Variants in ETNK2 observed in about 807,000 individuals in gnomAD.
ETNK2 encodes the protein ethanolamine kinase 2.
In ETNK2, 33 loss-of-function variants were observed where a neutral mutation model predicts 46.2. The observed-to-expected ratio is 0.71, with a 90% confidence interval of 0.54 to 0.96. ETNK2 has a LOEUF of 0.96. ETNK2 is among the 40% of genes least tolerant of loss of function. The pLI, the probability that ETNK2 is intolerant of heterozygous loss-of-function variation, is 0.00. For missense variants in ETNK2, 445 were observed against 509.7 expected (o/e 0.87, Z 1.22); for synonymous variants, 194 against 209.0 (o/e 0.93, Z 0.62).
Position 204,151,449 on chromosome 1 carries a change from G to A in ETNK2, c.258+146C>T, listed in dbSNP as rs1658001589. 3.3e-6 allele frequency: 4 copies of A among 1,202,912 alleles called. No individual in the cohort carries two copies. The highest frequency in any genetic ancestry group is 3.5e-6 in the Non-Finnish European group (3 of 862,112). The allele number at this position is 1,202,912 out of a possible 1,614,324, so 74.5% of individuals were successfully genotyped here. On this transcript the variant is annotated intron_variant, in intron 1 of 7. Transcript: ENST00000367202. This position sits in a 1 kb window ranked among gnomAD's most constrained non-coding sequence, Gnocchi z 8.0. The stretch of plus-strand genomic sequence containing the variant: ...GTTTTGGTAGCGACGAAATCAATCC[G>A]TACACAAACCACGTTCCAAACCTTT...
chr1:204,151,138 C>T lies in ETNK2; in HGVS notation c.258+457G>A. 4.4e-6 allele frequency: 1 copy of T among 225,696 alleles called. No individual in the cohort carries two copies. The highest frequency in any genetic ancestry group is 8.7e-6 in the Non-Finnish European group (1 of 115,454). 14.0% of individuals were successfully genotyped at this position (225,696 alleles called of 1,614,324 possible). A position where few individuals can be genotyped will look rare whatever the true frequency, so the allele number is the denominator to read the frequency against. On this transcript the variant is annotated intron_variant, in intron 1 of 7. Coordinates refer to ENST00000367202, the MANE Select transcript of ETNK2 (RefSeq NM_018208.4). This position sits in a 1 kb window ranked among gnomAD's most constrained non-coding sequence, Gnocchi z 8.0. ...TGGCTCCTGGGACCCACAGGGGCAG[C>T]TCAGAGCCTGGAGGATTTGCTCCCA...
chr1:204,136,779 G>C (rs949103274), intron 6 of ETNK2, among the ~76,000 whole-genome samples: 1 of 151,942 alleles, frequency 6.6e-6, no homozygotes, highest in Non-Finnish European at 1.5e-5. Context: ...ATGAAGGGCT[G>C]AGGTTAGGCA....
At chr1:204,147,998 T>C (rs1657858760) in intron 2 of ETNK2, among the ~76,000 whole-genome samples, 1 of 152,144 alleles carries the variant, frequency 6.6e-6, no homozygotes, top group Non-Finnish European at 1.5e-5. Flanking sequence ...AACAGAGCGT[T>C]TTCTTGAATA....
Position 204,134,607 on chromosome 1 carries a change from G to T in ETNK2, c.1015-19C>A, listed in dbSNP as rs1476863050. The T allele has an allele frequency of 1.2e-6, 2 of 1,614,038 alleles. No individual in the cohort carries two copies. The highest frequency in any genetic ancestry group is 1.7e-5 in the Admixed American group (1 of 60,028). Reference sequence around the variant, plus strand: ...GAGACGCCTGGAAACAGACCAGAGAGGGTCAGCCTGGCAATCTCCCCATGC... The same window carrying T: ...GAGACGCCTGGAAACAGACCAGAGATGGTCAGCCTGGCAATCTCCCCATGC... On this transcript the variant is annotated intron_variant, in intron 6 of 7. Transcript: ENST00000367202.
intron 3 of ETNK2, among the ~76,000 whole-genome samples, chr1:204,145,922 T>C (rs181583645): frequency 6.6e-6 from 1 of 152,114 alleles, no homozygotes; most frequent in African/African-American, 2.4e-5. Context: ...GAGTCAGGCG[T>C]CTAAAGGCTT....
chr1:204,148,322 C>T lies in ETNK2; in HGVS notation c.518+1381G>A, dbSNP rs577720612. On this transcript the variant is annotated intron_variant, in intron 2 of 7. Transcript: ENST00000367202. ...CTGACAATGGTAATTGTTTGCGTGA[C>T]AGGATGAGTGACAGCATCGGATACA... Among the ~76,000 whole-genome samples the T allele has an allele frequency of 4.6e-5, 7 of 152,220 alleles. No individual in the cohort carries two copies. In the South Asian group the frequency reaches 1.2e-3, roughly 27 times the overall value.
chr1:204,131,145 C>T lies in ETNK2; in HGVS notation c.*1039G>A, dbSNP rs116590745. On this transcript the variant is annotated 3_prime_UTR_variant, in exon 8 of 8. Transcript: ENST00000367202. The surrounding 1 kb of genome is among the most constrained non-coding windows in gnomAD (Gnocchi z 4.3). ...TTTCTGGGCCAGAGCCAGGAAGGCC[C>T]CAGGAGCTGTGAGGGTAGAAAGGGA... 766 of 152,828 alleles carry T rather than the reference C, an allele frequency of 5.0e-3. 9 individuals carry two copies. Among genetic ancestry groups the T allele is most frequent in the African/African-American group, 0.018 (729 of 41,576 alleles). 9.5% of individuals were successfully genotyped at this position (152,828 alleles called of 1,614,324 possible). A position where few individuals can be genotyped will look rare whatever the true frequency, so the allele number is the denominator to read the frequency against.
intron 2 of ETNK2, among the ~76,000 whole-genome samples, chr1:204,147,842 C>T (rs1420620589): frequency 6.6e-6 from 1 of 152,188 alleles, no homozygotes; most frequent in Non-Finnish European, 1.5e-5. Context: ...GCAGCAACCT[C>T]CTGGGTGAGA....
rs868317649 is a variant in ETNK2 at position 204,147,699 on chromosome 1, G to C, written c.519-935C>G. ...AAACCTTGTTACCAAGCTGTTCAAG[G>C]GGTATCCTTTCTCTTGCCAGGCCCT... On this transcript the variant is annotated intron_variant, in intron 2 of 7. Coordinates refer to ENST00000367202, the MANE Select transcript of ETNK2 (RefSeq NM_018208.4). 9 of 406,110 alleles carry C rather than the reference G, an allele frequency of 2.2e-5. No homozygotes were observed. In the Middle Eastern group the frequency reaches 4.0e-3, roughly 183 times the overall value. The allele number at this position is 406,110 out of a possible 1,614,324, so 25.2% of individuals were successfully genotyped here.
chr1:204,135,326 G>C (rs1657240739), intron 6 of ETNK2, among the ~76,000 whole-genome samples: 1 of 152,152 alleles, frequency 6.6e-6, no homozygotes, highest in African/African-American at 2.4e-5. Context: ...GTCACACACT[G>C]CTTATTACCT....
intron 1 of ETNK2, 117 bp from the exon 2 acceptor site, chr1:204,150,079 C>A (rs1657947939): frequency 8.8e-7 from 1 of 1,135,568 alleles, no homozygotes; most frequent in Non-Finnish European, 1.2e-6. Context: ...AGCACAACCA[C>A]CCCAAGCCCC....
At position 204,134,771 on chromosome 1, in the gene ETNK2, C is replaced by T. The variant is rs1657218578; in HGVS notation, c.1015-183G>A. The T allele has an allele frequency of 8.8e-6, 12 of 1,368,218 alleles. No individual in the cohort carries two copies. The South Asian group carries it at 1.2e-4, about 14-fold the overall frequency. 84.8% of individuals were successfully genotyped at this position (1,368,218 alleles called of 1,614,324 possible). A position where few individuals can be genotyped will look rare whatever the true frequency, so the allele number is the denominator to read the frequency against. The stretch of plus-strand genomic sequence containing the variant: ...GGCCAAGTCACTGCACAGCATTTGG[C>T]GCCTCCACTCCTGCTAGAGAAAGGT... On this transcript the variant is annotated intron_variant, in intron 6 of 7. Coordinates refer to ENST00000367202, the MANE Select transcript of ETNK2 (RefSeq NM_018208.4).
intron 4 of ETNK2, chr1:204,141,072 T>C: frequency 1.7e-6 from 1 of 585,904 alleles, no homozygotes; most frequent in Non-Finnish European, 3.2e-6. Flanking sequence ...GCAATCCACA[T>C]GCCTTGGCCT....
chr1:204,141,458 C>T lies in ETNK2; in HGVS notation c.642-1G>A. 1 of 1,580,354 alleles carries T rather than the reference C, an allele frequency of 6.3e-7. No individual in the cohort carries two copies. Among genetic ancestry groups the T allele is most frequent in the Non-Finnish European group, 8.6e-7 (1 of 1,163,020 alleles). On this transcript the variant is annotated splice_acceptor_variant, in intron 3 of 7. Transcript: ENST00000367202. LOFTEE classifies it high-confidence loss of function. ...TACCTTAGGGACATCTGCAGAAAGGCTGGGCAGTGGCAAAAAAGGTAGCCA... is the reference window on the plus strand; with the variant it reads ...TACCTTAGGGACATCTGCAGAAAGGTTGGGCAGTGGCAAAAAAGGTAGCCA...
rs1008987944 is a variant in ETNK2, at chr1:204,149,875, C to T, written c.346G>A (p.Glu116Lys). Residue 116 changes from glutamate to lysine, a missense_variant, in exon 2 of 8, where the codon GAG (glutamate) becomes AAG (lysine). Glu to Lys is a moderately conservative substitution (Grantham distance 56). Transcript: ENST00000367202. ...CGGTCCACCAGCAGCTCCGTCCGCTCCCCATACACCCGGACCAGCACGCAG... is the reference window on the plus strand; with the variant it reads ...CGGTCCACCAGCAGCTCCGTCCGCTTCCCATACACCCGGACCAGCACGCAG... The part of the protein sequence containing the change: ...QDCVLVRVYG[E>K]RTELLVDREN... 2 of 1,592,290 alleles carry T rather than the reference C, an allele frequency of 1.3e-6. No homozygotes were observed. Among genetic ancestry groups the T allele is most frequent in the Non-Finnish European group, 8.5e-7 (1 of 1,169,628 alleles).
Position 204,131,903 on chromosome 1 carries a change from G to A in ETNK2, c.*281C>T. ...GAGGCTGGGAATGATGTGTTTCCCA[G>A]GGGTGGTTATGGTTCAGGACCTGGC... On this transcript the variant is annotated 3_prime_UTR_variant, in exon 8 of 8. Transcript: ENST00000367202. The surrounding 1 kb of genome is among the most constrained non-coding windows in gnomAD (Gnocchi z 4.3). 1 of 464,990 alleles carries A rather than the reference G, an allele frequency of 2.2e-6. No homozygotes were observed. The allele number at this position is 464,990 out of a possible 1,614,324, so 28.8% of individuals were successfully genotyped here.
intron 2 of ETNK2, among the ~76,000 whole-genome samples, 161 bp downstream of exon 2, chr1:204,149,542 A>G (rs1234695980): frequency 6.6e-6 from 1 of 152,224 alleles, no homozygotes; most frequent in East Asian, 1.9e-4. Flanking sequence ...AGAAAGCGAT[A>G]GCCCCTCTCT....
intron 3 of ETNK2, among the ~76,000 whole-genome samples, chr1:204,143,919 T>C (rs1461320920): frequency 1.3e-5 from 2 of 152,044 alleles, no homozygotes; most frequent in Non-Finnish European, 1.5e-5. Flanking sequence ...AGGGCATGGA[T>C]CCAACACCAA....
rs539891992 is a variant in ETNK2, at chr1:204,132,156, A to G, written c.*28T>C. ...CTGGAGAACAGGTCTGGCCAGACAG[A>G]TGGGTAGGGGAGGGATGGGGTGGCT... is the stretch of plus-strand genomic sequence containing the variant. On this transcript the variant is annotated 3_prime_UTR_variant, in exon 8 of 8. Transcript: ENST00000367202. 2.0e-5 allele frequency: 31 copies of G among 1,545,102 alleles called. No homozygotes were observed. The African/African-American group carries it at 3.0e-4, about 15-fold the overall frequency.
Sources: allele counts gnomAD v4.1 joint callset (sites outside exome capture counted in the v4.1 genomes callset), GRCh38; gene constraint gnomAD v4.1.1; non-coding constraint Gnocchi (gnomAD v3.1); transcripts MANE v1.5; gene names NCBI Gene and HGNC (gene_info 2026-07-23, HGNC 2026-07-21).